The following KLHL6 variants were observed in gnomAD, a reference collection of about 807,000 sequenced individuals.
KLHL6 encodes kelch like family member 6, also known as kelch-like protein 6.
Under a neutral mutation model 58.6 loss-of-function variants are expected in KLHL6, and 41 were observed. The ratio of observed to expected loss-of-function variants is 0.70; its 90% CI spans 0.55 to 0.91. KLHL6 has a LOEUF of 0.91. Among genes scored for constraint, KLHL6 ranks in the 40% least tolerant of loss-of-function variants. KLHL6 has a pLI of 0.00. For missense variants in KLHL6, 714 were observed against 805.6 expected (o/e 0.89, Z 1.38); for synonymous variants, 338 against 322.7 (o/e 1.05, Z -0.51).
In KLHL6 at chr3:183,499,010, A is replaced by T. The variant is rs1717789960; in HGVS notation, c.1147+580T>A. Among the ~76,000 whole-genome samples, 1 of 152,198 alleles carries T rather than the reference A, an allele frequency of 6.6e-6. No homozygotes were observed. Among genetic ancestry groups the T allele is most frequent in the Non-Finnish European group, 1.5e-5 (1 of 68,032 alleles). On this transcript the variant is annotated intron_variant, in intron 4 of 6. Transcript: ENST00000341319. This position sits in a 1 kb window ranked among gnomAD's most constrained non-coding sequence, Gnocchi z 4.6. Reference sequence around the variant, plus strand: ...TTTCCCTCTTCTTTTTCTGGGAAGGACTAGACTTGTCTGCCTCCTCCCCAG... The same window carrying T: ...TTTCCCTCTTCTTTTTCTGGGAAGGTCTAGACTTGTCTGCCTCCTCCCCAG...
chr3:183,555,700 G>T lies in KLHL6; in HGVS notation c.-47C>A, dbSNP rs765456426. 3 of 1,527,002 alleles carry T rather than the reference G, an allele frequency of 2.0e-6. No individual in the cohort carries two copies. Among genetic ancestry groups the T allele is most frequent in the Admixed American group, 4.4e-5 (2 of 45,790 alleles). 94.6% of individuals were successfully genotyped at this position (1,527,002 alleles called of 1,614,324 possible). ...GTGTCAGGCAGGCCCCATTGCAGGA[G>T]CTGAGCGGATTTCCTGTGCAGGGCC... is the stretch of plus-strand genomic sequence containing the variant. On this transcript the variant is annotated 5_prime_UTR_variant, in exon 1 of 7. Coordinates refer to ENST00000341319, the MANE Select transcript of KLHL6 (RefSeq NM_130446.4).
intron 1 of KLHL6, among the ~76,000 whole-genome samples, chr3:183,554,624 T>C (rs9829622): frequency 0.036 from 5,420 of 152,274 alleles, 243 homozygotes; most frequent in East Asian, 0.15. Context: ...AAGCCCCTAA[T>C]TTGTAACAAG....
At chr3:183,552,978 C>T (rs909370882) in intron 1 of KLHL6, among the ~76,000 whole-genome samples, 1 of 152,044 alleles carries the variant, frequency 6.6e-6, no homozygotes, top group Non-Finnish European at 1.5e-5. Flanking sequence ...GTGGAGTGGA[C>T]TAGAGTATGT....
At chr3:183,539,387 AC>A (rs1393524281) in intron 1 of KLHL6, among the ~76,000 whole-genome samples, 1 of 151,958 alleles carries the variant, frequency 6.6e-6, no homozygotes, top group Non-Finnish European at 1.5e-5. Flanking sequence ...CCCCGATCTG[AC>A]TCTAAGCATC....
In KLHL6 at chr3:183,492,014, G is replaced by A. The variant is rs755956671; in HGVS notation, c.1779C>T (p.Pro593=). Reference sequence around the variant, plus strand: ...CGCTGCCGTGGTGCGACACGCCCCGGGGCAGGACGCACTCCTCTGTCAGTT... The same window carrying A: ...CGCTGCCGTGGTGCGACACGCCCCGAGGCAGGACGCACTCCTCTGTCAGTT... ...AQKLTEECVL[P]RGVSHHGSVT... The change falls in exon 7 of 7, where the codon CCC becomes CCT. Residue 593 remains proline, a synonymous_variant. Transcript: ENST00000341319. This position sits in a 1 kb window ranked among gnomAD's most constrained non-coding sequence, Gnocchi z 5.9. 2 of 1,612,424 alleles carry A rather than the reference G, an allele frequency of 1.2e-6. No homozygotes were observed. Among genetic ancestry groups the A allele is most frequent in the Admixed American group, 1.7e-5 (1 of 59,946 alleles).
At chr3:183,552,012 C>T (rs1712933166) in intron 1 of KLHL6, 1 of 152,058 alleles carries the variant, frequency 6.6e-6, no homozygotes, top group South Asian at 2.1e-4. Context: ...AAGAAAAATG[C>T]AAATTAAAGC....
intron 2 of KLHL6, among the ~76,000 whole-genome samples, chr3:183,520,010 C>T (rs1055195762): frequency 2.0e-5 from 3 of 151,098 alleles, no homozygotes; most frequent in Admixed American, 6.6e-5. Context: ...CTAGTTAGGA[C>T]TCAAAAAGAA....
chr3:183,512,496 A>C (rs4065338), intron 2 of KLHL6, among the ~76,000 whole-genome samples: 76,780 of 150,108 alleles, frequency 0.51, 20,033 homozygotes, highest in Non-Finnish European at 0.58. Context: ...ACATTATGAT[A>C]TTTTTTTTTT....
At chr3:183,534,620 C>T (rs1393241424) in intron 1 of KLHL6, among the ~76,000 whole-genome samples, 3 of 151,576 alleles carry the variant, frequency 2.0e-5, no homozygotes, top group Non-Finnish European at 4.4e-5. Flanking sequence ...CCAGGCTGGT[C>T]TCAAACTCCT....
In KLHL6 at chr3:183,492,630, C is replaced by T; in HGVS notation, c.1428G>A (p.Gly476=). Residue 476 remains glycine (G), a synonymous_variant, in exon 6 of 7, where the codon GGG becomes GGA. Transcript: ENST00000341319. The surrounding 1 kb of genome is among the most constrained non-coding windows in gnomAD (Gnocchi z 5.9). ...HKKKLYVIGG[G]PNGKLATDKT... ...TGTCTGTGGCCAGTTTCCCATTGGG[C>T]CCTCCCCCGATCACATACAGCTTCT... 1 of 1,614,130 alleles carries T rather than the reference C, an allele frequency of 6.2e-7. No individual in the cohort carries two copies. Among genetic ancestry groups the T allele is most frequent in the Non-Finnish European group, 8.5e-7 (1 of 1,180,032 alleles).
chr3:183,526,139 C>T (rs548294148), intron 2 of KLHL6, among the ~76,000 whole-genome samples: 58 of 152,138 alleles, frequency 3.8e-4, no homozygotes, highest in Non-Finnish European at 7.5e-4. Context: ...GAAACCCCCT[C>T]TCTACTAAAA....
Position 183,494,191 on chromosome 3 carries a change from C to T in KLHL6, c.1238G>A (p.Arg413Lys). ...QIEYLNIGRW[R>K]HKMVVLGGKV... ...GCCACCCAACACCACCATCTTATGC[C>T]TCCAGCGGCCTATGTTTAAATACTC... Residue 413 changes from arginine to lysine, a missense_variant, in exon 5 of 7, where the codon AGG becomes AAG. Coordinates refer to ENST00000341319, the MANE Select transcript of KLHL6 (RefSeq NM_130446.4). 1 of 1,614,062 alleles carries T rather than the reference C, an allele frequency of 6.2e-7. No homozygotes were observed.
chr3:183,514,285 C>A (rs946943581), intron 2 of KLHL6, among the ~76,000 whole-genome samples: 2 of 152,088 alleles, frequency 1.3e-5, no homozygotes, highest in Non-Finnish European at 1.5e-5. Context: ...GACAGTCCTA[C>A]CCCCACCCCT....
At chr3:183,525,219 G>A (rs954275579) in intron 2 of KLHL6, among the ~76,000 whole-genome samples, 9 of 146,868 alleles carry the variant, frequency 6.1e-5, no homozygotes, top group African/African-American at 2.2e-4. Context: ...AGCCGAGATT[G>A]CACCACTGCA....
chr3:183,508,200 A>G lies in KLHL6; in HGVS notation c.768T>C (p.Tyr256=). 1 of 1,614,180 alleles carries G rather than the reference A, an allele frequency of 6.2e-7. No individual in the cohort carries two copies. The highest frequency in any genetic ancestry group is 8.5e-7 in the Non-Finnish European group (1 of 1,180,034). Residue 256 remains tyrosine, a synonymous_variant, in exon 3 of 7, where the codon TAT becomes TAC. Transcript: ENST00000341319. The part of the protein sequence containing the change: ...KPSERLCLLP[Y]VLENVRLPLL... ...GCGGTAAGCGCACGTTCTCGAGGACATAGGGGAGTAAGCAGAGTCGTTCTG... is the reference window on the plus strand; with the variant it reads ...GCGGTAAGCGCACGTTCTCGAGGACGTAGGGGAGTAAGCAGAGTCGTTCTG...
At chr3:183,494,604 G>T (rs1387809389) in intron 4 of KLHL6, among the ~76,000 whole-genome samples, 1 of 152,214 alleles carries the variant, frequency 6.6e-6, no homozygotes, top group Non-Finnish European at 1.5e-5. Flanking sequence ...GGTGGGTAGG[G>T]ACCAGAGGGA....
chr3:183,510,704 G>A (rs529113630), intron 2 of KLHL6, among the ~76,000 whole-genome samples: 226 of 152,010 alleles, frequency 1.5e-3, no homozygotes, highest in Non-Finnish European at 2.6e-3. Flanking sequence ...GAGATACCCC[G>A]TCTCTACTAA....
intron 2 of KLHL6, among the ~76,000 whole-genome samples, chr3:183,524,979 C>A (rs1012719992): frequency 1.3e-5 from 2 of 152,156 alleles, no homozygotes; most frequent in African/African-American, 4.8e-5. Context: ...ATAAAAAAAA[C>A]TTTTGGCTGG....
chr3:183,542,894 GGA>G (rs1414297310), intron 1 of KLHL6, among the ~76,000 whole-genome samples: 2 of 151,992 alleles, frequency 1.3e-5, no homozygotes, highest in African/African-American at 4.8e-5. Flanking sequence ...ATGGATGGAT[GGA>G]TGGATGGACA....
Sources: gnomAD v4.1 joint callset for allele counts (sites outside exome capture counted in the v4.1 genomes callset) on GRCh38, gnomAD v4.1.1 for gene constraint, Gnocchi (gnomAD v3.1) non-coding constraint, MANE v1.5 for transcripts, NCBI Gene and HGNC (gene_info 2026-07-23, HGNC 2026-07-21) for gene names.